Variants in NOP14 observed in about 807,000 individuals in gnomAD.
NOP14 encodes nucleolar protein 14.
A neutral mutation model predicts 101.6 loss-of-function variants in NOP14; 57 were observed. The observed-to-expected ratio is 0.56, with a 90% CI of 0.45 to 0.70. The LOEUF is 0.70. Ranked by LOEUF, NOP14 falls within the 30% of genes least tolerant of loss-of-function variation. NOP14 has a pLI of 0.00. For missense variants in NOP14, 1,134 were observed against 1,075.5 expected (o/e 1.05, Z -0.76); for synonymous variants, 428 against 424.0 (o/e 1.01, Z -0.12).
rs1335881339 is a variant in NOP14, at chr4:2,950,904, G to A, written c.1002+210C>T. The A allele has an allele frequency of 4.3e-5, 21 of 488,916 alleles. No individual in the cohort carries two copies. In the East Asian group the frequency reaches 6.7e-4, roughly 16 times the overall value. The allele number at this position is 488,916 out of a possible 1,614,324, so 30.3% of individuals were successfully genotyped here. ...AGAGAGAGAGTGAGAAAGAGAGCGTGAGCAAGTGAGTGCACATACTATTGT... is the reference window on the plus strand; with the variant it reads ...AGAGAGAGAGTGAGAAAGAGAGCGTAAGCAAGTGAGTGCACATACTATTGT... On this transcript the variant is annotated intron_variant, in intron 7 of 17. Coordinates refer to ENST00000416614, the MANE Select transcript of NOP14 (RefSeq NM_001291978.2).
rs768110678 is a variant in NOP14, at chr4:2,963,355, C to G, written c.-36G>C. The G allele has an allele frequency of 3.8e-5, 58 of 1,514,476 alleles. No homozygotes were observed. The highest frequency in any genetic ancestry group is 1.7e-4 in the Middle Eastern group (1 of 5,810). 93.8% of individuals were successfully genotyped at this position (1,514,476 alleles called of 1,614,324 possible). On this transcript the variant is annotated 5_prime_UTR_variant, in exon 1 of 18. Transcript: ENST00000416614. Reference sequence around the variant, plus strand: ...CCGCTGCGCCCAAGGGCCCGAGACCCGAAGAGAGACAGGCGCGCGCTACCC... The same window carrying G: ...CCGCTGCGCCCAAGGGCCCGAGACCGGAAGAGAGACAGGCGCGCGCTACCC...
intron 6 of NOP14, among the ~76,000 whole-genome samples, chr4:2,951,560 G>A (rs567614329): frequency 6.6e-6 from 1 of 152,166 alleles, no homozygotes; most frequent in Non-Finnish European, 1.5e-5. Context: ...ATCACCCCCT[G>A]CACCGAGAGA....
At chr4:2,942,693 G>A (rs766829178) in intron 13 of NOP14, among the ~76,000 whole-genome samples, 1 of 152,214 alleles carries the variant, frequency 6.6e-6, no homozygotes, top group Non-Finnish European at 1.5e-5. Flanking sequence ...CGGGGAGACA[G>A]GCAGTGCACA....
intron 15 of NOP14, 114 bp downstream of exon 15, chr4:2,941,468 A>C (rs1303487685): frequency 1.1e-6 from 1 of 942,404 alleles, no homozygotes; most frequent in East Asian, 2.6e-5. Context: ...GATTTTGCAA[A>C]GATGGTGTTG....
At position 2,938,886 on chromosome 4, in the gene NOP14, A is replaced by G. The variant is rs754370344; in HGVS notation, c.2519T>C (p.Leu840Pro). 1 of 1,614,180 alleles carries G rather than the reference A, an allele frequency of 6.2e-7. No individual in the cohort carries two copies. Among genetic ancestry groups the G allele is most frequent in the South Asian group, 1.1e-5 (1 of 91,080 alleles). The change falls in exon 18 of 18, where the codon CTG becomes CCG. Residue 840 changes from leucine (L) to proline (P), a missense_variant. Coordinates refer to ENST00000416614, the MANE Select transcript of NOP14 (RefSeq NM_001291978.2). ...KRKVKQLFNSLATQEGEWKAL... is the reference protein window; with the variant it reads ...KRKVKQLFNSPATQEGEWKAL... ...CTTCCATTCGCCTTCCTGTGTAGCC[A>G]GGCTGTTAAAAAGCTGCTTTACTTT...
intron 15 of NOP14, 160 bp downstream of exon 15, chr4:2,941,422 G>GCCCACTCTTATGATTTTACTT (rs1714175583): frequency 1.5e-6 from 1 of 665,478 alleles, no homozygotes; most frequent in Non-Finnish European, 2.6e-6. Context: ...CACCGTCACT[G>GCCCACTCTTATGATTTTACTT]CCCACTCTTA....
intron 4 of NOP14, 39 bp from the exon 5 acceptor site, chr4:2,953,684 C>T (rs1347489329): frequency 6.2e-7 from 1 of 1,609,994 alleles, no homozygotes; most frequent in African/African-American, 1.3e-5. Context: ...CATACCGTTA[C>T]TACTGGACTT....
chr4:2,963,234 G>T lies in NOP14; in HGVS notation c.86C>A (p.Ser29Tyr). The change falls in exon 1 of 18, where the codon TCC (serine) becomes TAC (tyrosine). Residue 29 changes from serine to tyrosine, a missense_variant. Coordinates refer to ENST00000416614, the MANE Select transcript of NOP14 (RefSeq NM_001291978.2). ...GARGGPAKANSNPFEVKVNRQ... is the reference protein window; with the variant it reads ...GARGGPAKANYNPFEVKVNRQ... ...GTTAACTTTCACCTCGAACGGATTGGAGTTGGCCTTCGCCGGGCCCCCTCG... is the reference window on the plus strand; with the variant it reads ...GTTAACTTTCACCTCGAACGGATTGTAGTTGGCCTTCGCCGGGCCCCCTCG... 1 of 1,587,380 alleles carries T rather than the reference G, an allele frequency of 6.3e-7. No individual in the cohort carries two copies. Among genetic ancestry groups the T allele is most frequent in the Non-Finnish European group, 8.5e-7 (1 of 1,169,660 alleles).
chr4:2,961,097 A>T (rs1302936203), intron 1 of NOP14, among the ~76,000 whole-genome samples: 38 of 39,126 alleles, frequency 9.7e-4, no homozygotes, highest in Non-Finnish European at 1.6e-3. Context: ...ATAATAATAT[A>T]TTAATATTTT....
Position 2,947,506 on chromosome 4 carries a change from G to A in NOP14, c.1499+20C>T. On this transcript the variant is annotated intron_variant, in intron 10 of 17. Transcript: ENST00000416614. The stretch of plus-strand genomic sequence containing the variant: ...TTCTGCTTAACCCCACATCCCAGAT[G>A]ACACACCATTTTTACTTACACAACC... 1 of 1,557,652 alleles carries A rather than the reference G, an allele frequency of 6.4e-7. No homozygotes were observed. Among genetic ancestry groups the A allele is most frequent in the Non-Finnish European group, 8.9e-7 (1 of 1,129,042 alleles).
intron 12 of NOP14, 96 bp from the exon 13 acceptor site, chr4:2,944,322 G>A: frequency 8.9e-7 from 1 of 1,121,150 alleles, no homozygotes; most frequent in South Asian, 1.6e-5. Context: ...GCACCCCACT[G>A]AGCTTCACAA....
intron 1 of NOP14, among the ~76,000 whole-genome samples, chr4:2,960,784 A>G (rs1203168673): frequency 7.4e-6 from 1 of 134,480 alleles, no homozygotes; most frequent in African/African-American, 2.9e-5. Context: ...TTAATATTAT[A>G]ATCACATTAA....
At chr4:2,943,300 C>T (rs956208501) in intron 13 of NOP14, among the ~76,000 whole-genome samples, 6 of 152,216 alleles carry the variant, frequency 3.9e-5, no homozygotes, top group Admixed American at 3.3e-4. Context: ...GACATGCAGG[C>T]GCTTAGCACT....
chr4:2,947,093 G>A (rs544742687), intron 10 of NOP14: 29 of 223,842 alleles, frequency 1.3e-4, no homozygotes, highest in Middle Eastern at 3.4e-3. Flanking sequence ...GCAGGAGCTC[G>A]CCCTGGCGGT....
At chr4:2,944,467 C>T (rs1421442341) in intron 12 of NOP14, among the ~76,000 whole-genome samples, 2 of 152,144 alleles carry the variant, frequency 1.3e-5, no homozygotes, top group East Asian at 3.9e-4. Context: ...AGTGCAATGG[C>T]ACAATCTCGG....
At chr4:2,952,248 C>T in intron 6 of NOP14, 27 bp downstream of exon 6, 1 of 1,611,030 alleles carries the variant, frequency 6.2e-7, no homozygotes, top group Non-Finnish European at 8.5e-7. Flanking sequence ...GCAGCACAGC[C>T]CTGCTCCTGA....
Position 2,950,191 on chromosome 4 carries a change from T to TC in NOP14, c.1024dup (p.Glu342GlyfsTer13). 6.2e-7 allele frequency: 1 copy of TC among 1,613,912 alleles called. No individual in the cohort carries two copies. ...CTTGCTTTGCTCTTCCTGGACATCT[T>TC]CCTCGACATTCATCTTTCCATCCTA... On this transcript the variant is annotated frameshift_variant, in exon 8 of 18. Coordinates refer to ENST00000416614, the MANE Select transcript of NOP14 (RefSeq NM_001291978.2). LOFTEE classifies it high-confidence loss of function.
intron 13 of NOP14, 29 bp from the exon 14 acceptor site, chr4:2,942,380 T>C (rs1478786891): frequency 1.9e-6 from 3 of 1,602,406 alleles, no homozygotes; most frequent in Non-Finnish European, 2.6e-6. Context: ...AGGACAGAGA[T>C]GGCCTGAACA....
In NOP14 at chr4:2,963,342, A is replaced by G. The variant is rs1335796307; in HGVS notation, c.-23T>C. On this transcript the variant is annotated 5_prime_UTR_variant, in exon 1 of 18. Coordinates refer to ENST00000416614, the MANE Select transcript of NOP14 (RefSeq NM_001291978.2). The stretch of plus-strand genomic sequence containing the variant: ...CATGGCGCGCGCCCCGCTGCGCCCA[A>G]GGGCCCGAGACCCGAAGAGAGACAG... 2 of 1,545,074 alleles carry G rather than the reference A, an allele frequency of 1.3e-6. No individual in the cohort carries two copies. Among genetic ancestry groups the G allele is most frequent in the East Asian group, 2.5e-5 (1 of 40,194 alleles).
Sources: gnomAD v4.1 joint callset for allele counts (sites outside exome capture counted in the v4.1 genomes callset) on GRCh38, gnomAD v4.1.1 for gene constraint, MANE v1.5 for transcripts, NCBI Gene and HGNC (gene_info 2026-07-23, HGNC 2026-07-21) for gene names.